EPHB2: variants seen among roughly 807,000 people sequenced by gnomAD.
EPHB2 encodes the protein ephrin type-B receptor 2.
A neutral mutation model predicts 96.4 loss-of-function variants in EPHB2; 18 were observed. That is an observed-to-expected ratio of 0.19 (90% confidence interval 0.13 to 0.28). The LOEUF (loss-of-function observed/expected upper bound fraction) is 0.28. Ranked by LOEUF, EPHB2 falls within the 10% of genes least tolerant of loss-of-function variation. The pLI is 1.00. For missense variants in EPHB2, 989 were observed against 1,355.4 expected, an observed-to-expected ratio of 0.73 and a Z score of 4.25; for synonymous variants, 506 against 534.1, an observed-to-expected ratio of 0.95 and a Z score of 0.72.
At chr1:22,847,133 T>C (rs541824003) in intron 3 of EPHB2, among the ~76,000 whole-genome samples, 10 of 152,318 alleles carry the variant, frequency 6.6e-5, no homozygotes, top group South Asian at 6.2e-4. Flanking sequence ...ATAGTACTCA[T>C]GGGGTTGCTG....
rs554696814 is a variant in EPHB2 at position 22,723,260 on chromosome 1, G to A, written c.61+12217G>A. ...CTTCTCCGCCTCTCACGGGGAGGCA[G>A]AGCCTGGGAACAGCCTCGTCCAGAG... On this transcript the variant is annotated intron_variant, in intron 1 of 15. Transcript: ENST00000374630. Among the ~76,000 whole-genome samples, 56 of 152,386 alleles carry A rather than the reference G, an allele frequency of 3.7e-4. 1 individual carries two copies. The South Asian group carries it at 9.5e-3, about 26-fold the overall frequency.
intron 1 of EPHB2, among the ~76,000 whole-genome samples, chr1:22,721,387 C>A (rs75792624): frequency 6.6e-6 from 1 of 152,142 alleles, no homozygotes; most frequent in African/African-American, 2.4e-5. Context: ...TCTGGCCTAA[C>A]GTAATACCGG....
chr1:22,886,814 C>T (rs528333017), intron 6 of EPHB2, among the ~76,000 whole-genome samples: 6 of 151,788 alleles, frequency 4.0e-5, no homozygotes, highest in Admixed American at 1.3e-4. Flanking sequence ...TAAGTAGAGA[C>T]GGGGTTTCTC....
intron 3 of EPHB2, among the ~76,000 whole-genome samples, chr1:22,862,263 C>T (rs373339315): frequency 1.3e-5 from 2 of 152,340 alleles, no homozygotes; most frequent in South Asian, 2.1e-4. Flanking sequence ...AAATGAGGGC[C>T]GAGTGCAAGC....
chr1:22,893,764 A>C (rs977885080), intron 7 of EPHB2, among the ~76,000 whole-genome samples: 4 of 152,230 alleles, frequency 2.6e-5, no homozygotes, highest in African/African-American at 9.6e-5. Context: ...TATCATTATC[A>C]AACTAGTGTA....
At chr1:22,789,188 C>T (rs1300855010) in intron 3 of EPHB2, among the ~76,000 whole-genome samples, 1 of 152,184 alleles carries the variant, frequency 6.6e-6, no homozygotes. Context: ...TAGCCCAGCC[C>T]CAACACCACC....
intron 1 of EPHB2, among the ~76,000 whole-genome samples, chr1:22,743,695 A>C (rs2148369050): frequency 6.6e-6 from 1 of 151,976 alleles, no homozygotes; most frequent in Non-Finnish European, 1.5e-5. Flanking sequence ...CTGGTCTCAA[A>C]CTCCTGGCCT....
At chr1:22,904,292 C>CAAAAA (rs3053666) in intron 9 of EPHB2, among the ~76,000 whole-genome samples, 1 of 130,046 alleles carries the variant, frequency 7.7e-6, no homozygotes, top group Non-Finnish European at 1.6e-5. Flanking sequence ...GAACCTGTCT[C>CAAAAA]AAAAAAAAAA....
chr1:22,758,150 C>T (rs1316336807), intron 1 of EPHB2, among the ~76,000 whole-genome samples: 1 of 146,832 alleles, frequency 6.8e-6, no homozygotes, highest in Non-Finnish European at 1.5e-5. Flanking sequence ...AATCTCCTGA[C>T]CTCGTGATCC....
In EPHB2 at chr1:22,906,791, C is replaced by T. The variant is rs202216139; in HGVS notation, c.1970C>T (p.Ser657Leu). The T allele has an allele frequency of 2.5e-6, 4 of 1,614,194 alleles. No individual in the cohort carries two copies. The highest frequency in any genetic ancestry group is 2.2e-5 in the East Asian group (1 of 44,878). ...EIFVAIKTLKSGYTEKQRRDF... is the reference protein window; with the variant it reads ...EIFVAIKTLKLGYTEKQRRDF... The stretch of plus-strand genomic sequence containing the variant: ...TTTGTGGCCATCAAGACGCTCAAGT[C>T]GGGCTACACGGAGAAGCAGCGCCGG... The change falls in exon 11 of 16, where the codon TCG becomes TTG. Residue 657 changes from serine to leucine, a missense_variant. Ser to Leu is a moderately radical substitution (Grantham distance 145). Transcript: ENST00000374630. The surrounding 1 kb of genome is among the most constrained non-coding windows in gnomAD (Gnocchi z 4.8).
intron 1 of EPHB2, among the ~76,000 whole-genome samples, chr1:22,732,325 G>A (rs572802009): frequency 4.6e-5 from 7 of 151,412 alleles, no homozygotes; most frequent in Admixed American, 3.3e-4. Flanking sequence ...AGGTGAGGGG[G>A]CCAGAGAAGG....
At chr1:22,819,203 A>ATCTCTCTC (rs1645115624) in intron 3 of EPHB2, among the ~76,000 whole-genome samples, 1 of 59,178 alleles carries the variant, frequency 1.7e-5, no homozygotes, top group Non-Finnish European at 3.9e-5. Context: ...CGCCCAGCAG[A>ATCTCTCTC]TGTCTCTCTC....
At chr1:22,779,040 T>C (rs555767219) in intron 1 of EPHB2, among the ~76,000 whole-genome samples, 5 of 152,126 alleles carry the variant, frequency 3.3e-5, no homozygotes, top group Non-Finnish European at 7.4e-5. Flanking sequence ...GCACAGTCTC[T>C]CCTCTGCCTT....
At chr1:22,859,652 G>A (rs2148519342) in intron 3 of EPHB2, among the ~76,000 whole-genome samples, 1 of 152,124 alleles carries the variant, frequency 6.6e-6, no homozygotes, top group Non-Finnish European at 1.5e-5. Context: ...AATTAGCCAG[G>A]CATGGTGGCA....
At chr1:22,722,033 T>C (rs1166107223) in intron 1 of EPHB2, among the ~76,000 whole-genome samples, 1 of 152,174 alleles carries the variant, frequency 6.6e-6, no homozygotes, top group Non-Finnish European at 1.5e-5. Context: ...CTGCAACCTC[T>C]GCCTCCCAGG....
intron 1 of EPHB2, among the ~76,000 whole-genome samples, chr1:22,739,834 C>T (rs1259134420): frequency 1.3e-5 from 2 of 152,158 alleles, no homozygotes; most frequent in Non-Finnish European, 2.9e-5. Context: ...GGCCTGGAAT[C>T]GTTCTCGGAT....
chr1:22,753,346 C>T (rs140603383), intron 1 of EPHB2, among the ~76,000 whole-genome samples: 26 of 152,296 alleles, frequency 1.7e-4, no homozygotes, highest in African/African-American at 5.8e-4. Flanking sequence ...ATCAAATGCT[C>T]GGCACACATC....
intron 3 of EPHB2, among the ~76,000 whole-genome samples, chr1:22,816,539 C>CCTCTGCCTGTCCCAT (rs1490688974): frequency 1.4e-4 from 22 of 152,158 alleles, no homozygotes; most frequent in Admixed American, 8.5e-4. Context: ...CACGCTGTTC[C>CCTCTGCCTGTCCCAT]CTCTGCCTGT....
chr1:22,882,333 T>C, intron 5 of EPHB2, 26 bp from the exon 6 acceptor site: 1 of 1,612,654 alleles, frequency 6.2e-7, no homozygotes, highest in East Asian at 2.2e-5. Flanking sequence ...GCCTCCCTGA[T>C]CCCTGACCTC....
Sources: allele counts gnomAD v4.1 joint callset (sites outside exome capture counted in the v4.1 genomes callset), GRCh38; gene constraint gnomAD v4.1.1; non-coding constraint Gnocchi (gnomAD v3.1); transcripts MANE v1.5; gene names NCBI Gene and HGNC (gene_info 2026-07-23, HGNC 2026-07-21).